The following HECW2 variants were observed in gnomAD, a reference collection of about 807,000 sequenced individuals.
HECW2 encodes the protein E3 ubiquitin-protein ligase HECW2.
A neutral mutation model predicts 175.2 loss-of-function variants in HECW2; 61 were observed. The ratio of observed to expected loss-of-function variants is 0.35; its 90% CI spans 0.28 to 0.43. HECW2 has a LOEUF of 0.43. Among genes scored for constraint, HECW2 ranks in the 20% least tolerant of loss-of-function variants. The probability of loss-of-function intolerance (pLI) is 1.00; values close to 1 mark genes in which losing one functional copy is unlikely to be tolerated. For missense variants in HECW2, 1,524 were observed against 2,000.5 expected (o/e 0.76, Z 4.54); for synonymous variants, 671 against 731.0 (o/e 0.92, Z 1.32).
chr2:196,564,122 T>C (rs1290603588), intron 1 of HECW2, among the ~76,000 whole-genome samples: 1 of 152,162 alleles, frequency 6.6e-6, no homozygotes, highest in Non-Finnish European at 1.5e-5. Flanking sequence ...TGATATCACC[T>C]CAGCTGTCTT....
At chr2:196,472,809 C>T (rs1241326304) in intron 1 of HECW2, among the ~76,000 whole-genome samples, 3 of 151,950 alleles carry the variant, frequency 2.0e-5, no homozygotes, top group Admixed American at 6.6e-5. Flanking sequence ...TTAGTAGAGA[C>T]GGGGTTTCGC....
At chr2:196,210,695 C>A (rs1244497088) in intron 28 of HECW2, among the ~76,000 whole-genome samples, 1 of 151,876 alleles carries the variant, frequency 6.6e-6, no homozygotes, top group Non-Finnish European at 1.5e-5. Flanking sequence ...CTCACTGCAA[C>A]CTCCACCTCC....
chr2:196,499,375 C>A (rs1254396425), intron 1 of HECW2, among the ~76,000 whole-genome samples: 1 of 151,632 alleles, frequency 6.6e-6, no homozygotes, highest in Non-Finnish European at 1.5e-5. Flanking sequence ...TACTGGACCT[C>A]TGCCAGCATT....
At chr2:196,245,971 A>T (rs1688628894) in intron 19 of HECW2, among the ~76,000 whole-genome samples, 1 of 152,216 alleles carries the variant, frequency 6.6e-6, no homozygotes, top group Non-Finnish European at 1.5e-5. Flanking sequence ...CATGAGTGTT[A>T]AATACAACTG....
chr2:196,326,883 A>G (rs996259481), intron 5 of HECW2, among the ~76,000 whole-genome samples: 4 of 152,204 alleles, frequency 2.6e-5, no homozygotes, highest in Non-Finnish European at 5.9e-5. Flanking sequence ...GACACTTCGT[A>G]AACTATGTAC....
At chr2:196,426,131 T>C (rs538408398) in intron 2 of HECW2, among the ~76,000 whole-genome samples, 1 of 152,206 alleles carries the variant, frequency 6.6e-6, no homozygotes, top group Non-Finnish European at 1.5e-5. Context: ...AAAGTCTTTT[T>C]AAGTTAAGGT....
intron 2 of HECW2, among the ~76,000 whole-genome samples, chr2:196,379,269 G>A (rs992556113): frequency 6.6e-6 from 1 of 152,148 alleles, no homozygotes; most frequent in South Asian, 2.1e-4. Context: ...AAGCCTTAAG[G>A]AGGCTGTGAT....
intron 1 of HECW2, among the ~76,000 whole-genome samples, chr2:196,464,045 T>TC (rs1696849823): frequency 6.6e-6 from 1 of 151,994 alleles, no homozygotes; most frequent in South Asian, 2.1e-4. Flanking sequence ...TTTTTTTTTT[T>TC]CTGGAAATGG....
intron 1 of HECW2, among the ~76,000 whole-genome samples, chr2:196,578,059 C>A (rs1690625369): frequency 6.6e-6 from 1 of 152,076 alleles, no homozygotes; most frequent in African/African-American, 2.4e-5. Context: ...CAGACCAAGA[C>A]TTTACATAGG....
At chr2:196,406,629 A>C (rs1694972789) in intron 2 of HECW2, among the ~76,000 whole-genome samples, 1 of 152,192 alleles carries the variant, frequency 6.6e-6, no homozygotes, top group Non-Finnish European at 1.5e-5. Context: ...GTTCTCTGTG[A>C]TCTGACCCCA....
At chr2:196,212,660 C>T (rs950843057) in intron 28 of HECW2, among the ~76,000 whole-genome samples, 1 of 152,138 alleles carries the variant, frequency 6.6e-6, no homozygotes, top group Admixed American at 6.5e-5. Flanking sequence ...TGAAGATACA[C>T]ATGCATGTGT....
chr2:196,408,789 T>C (rs963826486), intron 2 of HECW2, among the ~76,000 whole-genome samples: 20 of 152,370 alleles, frequency 1.3e-4, no homozygotes, highest in East Asian at 7.7e-4. Flanking sequence ...CTGAGTGTTA[T>C]GGAGAGATTA....
Position 196,307,973 on chromosome 2 carries a change from T to A in HECW2, c.2547A>T (p.Arg849Ser). The change falls in exon 11 of 29, where the codon AGA becomes AGT. Residue 849 changes from arginine (R) to serine (S), a missense_variant. Physicochemically the swap from Arg to Ser is moderately radical, Grantham distance 110. Transcript: ENST00000644978. ...TAPPAPQVLQ[R>S]SNSIQQMEQL... is the part of the protein sequence containing the mutation. The stretch of plus-strand genomic sequence containing the variant: ...GCTCCATTTGCTGTATGGAGTTAGA[T>A]CTCTGCAGCACCTGCGGGGCTGGGG... The A allele has an allele frequency of 1.3e-6, 2 of 1,596,126 alleles. No homozygotes were observed. The highest frequency in any genetic ancestry group is 1.7e-4 in the Middle Eastern group (1 of 5,974).
At chr2:196,505,924 A>G (rs773787477) in intron 1 of HECW2, among the ~76,000 whole-genome samples, 4 of 152,178 alleles carry the variant, frequency 2.6e-5, no homozygotes, top group Non-Finnish European at 5.9e-5. Flanking sequence ...ACAGAAATTT[A>G]AAAATACATA....
chr2:196,209,999 G>A (rs1263822991), intron 28 of HECW2, among the ~76,000 whole-genome samples: 6 of 152,034 alleles, frequency 3.9e-5, no homozygotes, highest in East Asian at 1.9e-4. Flanking sequence ...TCCTGACCTC[G>A]TGATCTGCCC....
intron 2 of HECW2, among the ~76,000 whole-genome samples, chr2:196,353,420 T>C (rs1188582891): frequency 2.0e-5 from 3 of 152,220 alleles, no homozygotes; most frequent in Admixed American, 6.5e-5. Context: ...CATTTAAATA[T>C]ATTGTCTGTC....
intron 21 of HECW2, among the ~76,000 whole-genome samples, chr2:196,229,749 T>A (rs1043633384): frequency 1.3e-5 from 2 of 152,232 alleles, no homozygotes; most frequent in East Asian, 3.8e-4. Context: ...TTATTCATAC[T>A]ACTTTCCCAA....
intron 2 of HECW2, among the ~76,000 whole-genome samples, chr2:196,370,847 C>G (rs1693887472): frequency 6.6e-6 from 1 of 152,152 alleles, no homozygotes; most frequent in Admixed American, 6.5e-5. Flanking sequence ...ACTGCATTCT[C>G]CCTCCCCTAA....
chr2:196,323,941 A>G (rs1204474553), intron 6 of HECW2, among the ~76,000 whole-genome samples: 1 of 112,860 alleles, frequency 8.9e-6, no homozygotes, highest in Non-Finnish European at 1.7e-5. Flanking sequence ...TTTTTTTACC[A>G]TGATGAGATC....
Sources: gnomAD v4.1 joint callset for allele counts (sites outside exome capture counted in the v4.1 genomes callset) on GRCh38, gnomAD v4.1.1 for gene constraint, MANE v1.5 for transcripts, NCBI Gene and HGNC (gene_info 2026-07-23, HGNC 2026-07-21) for gene names.